The following ENTREP2 variants were observed in gnomAD, a reference collection of about 807,000 sequenced individuals.
ENTREP2 encodes the protein endosomal transmembrane epsin interactor 2.
the ENTREP2 span, among the ~76,000 whole-genome samples, chr15:29,550,280 AC>A: frequency 6.6e-6 from 1 of 152,200 alleles, no homozygotes; most frequent in African/African-American, 2.4e-5. Flanking sequence ...ACAAAAAAAA[AC>A]AAACCTAAGG....
At chr15:29,442,381 T>G in the ENTREP2 span, among the ~76,000 whole-genome samples, 6 of 152,354 alleles carry the variant, frequency 3.9e-5, no homozygotes, top group East Asian at 1.2e-3. Context: ...CACAGCCGCA[T>G]GCTCCTTGGC....
At chr15:29,591,141 T>C in the ENTREP2 span, among the ~76,000 whole-genome samples, 1 of 152,204 alleles carries the variant, frequency 6.6e-6, no homozygotes, top group Non-Finnish European at 1.5e-5. Context: ...ACCAAAAGAT[T>C]TGAGAAAACT....
chr15:29,588,700 G>C, the ENTREP2 span, among the ~76,000 whole-genome samples: 1 of 151,942 alleles, frequency 6.6e-6, no homozygotes, highest in Non-Finnish European at 1.5e-5. Flanking sequence ...ATTTTTAATG[G>C]ACAAGACTAA....
At chr15:29,490,040 T>C in the ENTREP2 span, among the ~76,000 whole-genome samples, 1 of 152,134 alleles carries the variant, frequency 6.6e-6, no homozygotes, top group African/African-American at 2.4e-5. Context: ...CAATGGAAAA[T>C]GAATTATATA....
the ENTREP2 span, among the ~76,000 whole-genome samples, chr15:29,175,086 C>T: frequency 1.3e-5 from 2 of 152,162 alleles, no homozygotes; most frequent in African/African-American, 2.4e-5. Context: ...TGAAGCTAAG[C>T]TAGTGTCCCG....
the ENTREP2 span, among the ~76,000 whole-genome samples, chr15:29,533,978 C>T: frequency 5.9e-5 from 9 of 151,844 alleles, no homozygotes; most frequent in Non-Finnish European, 8.8e-5. Context: ...GGCTCAGGAA[C>T]GTATGGAGAC....
At chr15:29,363,611 C>G in the ENTREP2 span, among the ~76,000 whole-genome samples, 1 of 152,192 alleles carries the variant, frequency 6.6e-6, no homozygotes, top group Non-Finnish European at 1.5e-5. Context: ...CTAATCCAGG[C>G]TGAAGTTCAT....
chr15:29,378,456 T>C, the ENTREP2 span, among the ~76,000 whole-genome samples: 1 of 152,230 alleles, frequency 6.6e-6, no homozygotes, highest in Non-Finnish European at 1.5e-5. Context: ...TGGATGTTGC[T>C]GTGAAAGTAT....
the ENTREP2 span, among the ~76,000 whole-genome samples, chr15:29,149,835 C>T: frequency 6.6e-6 from 1 of 152,178 alleles, no homozygotes. Flanking sequence ...CTTGGGCTCC[C>T]GCGGTACCCG....
the ENTREP2 span, among the ~76,000 whole-genome samples, chr15:29,480,616 G>A: frequency 3.9e-5 from 6 of 152,102 alleles, no homozygotes; most frequent in Non-Finnish European, 8.8e-5. Flanking sequence ...GCAGCATGGG[G>A]CCCACTCTCC....
At chr15:29,635,148 A>C in the ENTREP2 span, among the ~76,000 whole-genome samples, 1 of 152,028 alleles carries the variant, frequency 6.6e-6, no homozygotes, top group East Asian at 1.9e-4. Context: ...CGGCCTCCTT[A>C]GGGTTTTTAT....
the ENTREP2 span, among the ~76,000 whole-genome samples, chr15:29,526,222 C>T: frequency 6.6e-6 from 1 of 152,172 alleles, no homozygotes; most frequent in Non-Finnish European, 1.5e-5. Context: ...TTGCAAACAA[C>T]TCAATCATCT....
chr15:29,238,679 A>G, the ENTREP2 span, among the ~76,000 whole-genome samples: 2 of 152,086 alleles, frequency 1.3e-5, no homozygotes, highest in Admixed American at 1.3e-4. Flanking sequence ...TCCACAGGCT[A>G]TACAAGAAGC....
chr15:29,469,358 C>T, the ENTREP2 span, among the ~76,000 whole-genome samples: 5 of 152,156 alleles, frequency 3.3e-5, no homozygotes, highest in African/African-American at 1.2e-4. Flanking sequence ...CGCCACCACG[C>T]CCAGCTAATT....
the ENTREP2 span, among the ~76,000 whole-genome samples, chr15:29,497,018 C>T: frequency 6.6e-6 from 1 of 152,112 alleles, no homozygotes; most frequent in African/African-American, 2.4e-5. Context: ...GGAAGTAGGG[C>T]CTAATGGGAG....
At chr15:29,594,043 C>T in the ENTREP2 span, among the ~76,000 whole-genome samples, 1 of 152,022 alleles carries the variant, frequency 6.6e-6, no homozygotes, top group Admixed American at 6.5e-5. Context: ...GTACAGAGGA[C>T]CTTCCTGCAC....
chr15:29,337,176 T>C, the ENTREP2 span, among the ~76,000 whole-genome samples: 1 of 152,196 alleles, frequency 6.6e-6, no homozygotes. Flanking sequence ...AAGAGCAAGT[T>C]GGCTGGGTCT....
the ENTREP2 span, among the ~76,000 whole-genome samples, chr15:29,545,007 A>G: frequency 2.6e-5 from 4 of 152,212 alleles, no homozygotes; most frequent in African/African-American, 9.6e-5. Context: ...ATGATGATAT[A>G]CAACTGAGAC....
At chr15:29,578,560 C>A in the ENTREP2 span, among the ~76,000 whole-genome samples, 3 of 152,162 alleles carry the variant, frequency 2.0e-5, no homozygotes, top group African/African-American at 7.2e-5. Context: ...GAGAAGAAAT[C>A]TAATTTGACA....
Sources: allele counts gnomAD v4.1 joint callset (sites outside exome capture counted in the v4.1 genomes callset), GRCh38; gene constraint gnomAD v4.1.1; transcripts MANE v1.5; gene names NCBI Gene and HGNC (gene_info 2026-07-23, HGNC 2026-07-21).